The following TP63 variants were observed in gnomAD, a reference collection of about 807,000 sequenced individuals.
TP63 encodes the protein tumor protein 63.
A neutral mutation model predicts 82.8 loss-of-function variants in TP63; 17 were observed. The observed-to-expected ratio is 0.21, with a 90% CI of 0.14 to 0.31. The LOEUF is 0.31. Among genes scored for constraint, TP63 ranks in the 10% least tolerant of loss-of-function variants. TP63 has a pLI of 1.00. For synonymous variants in TP63, 330 were observed against 321.7 expected, an observed-to-expected ratio of 1.03 and a Z score of -0.28; for missense variants, 648 against 895.3, an observed-to-expected ratio of 0.72 and a Z score of 3.52.
At chr3:189,822,508 G>T (rs11717319) in intron 4 of TP63, among the ~76,000 whole-genome samples, 1 of 151,956 alleles carries the variant, frequency 6.6e-6, no homozygotes, top group Non-Finnish European at 1.5e-5. Context: ...TTCAATATAG[G>T]TATTTCTTCC....
intron 1 of TP63, among the ~76,000 whole-genome samples, chr3:189,650,257 C>G (rs1712776554): frequency 6.8e-6 from 1 of 147,102 alleles, no homozygotes; most frequent in African/African-American, 2.5e-5. Context: ...AGATCAATTT[C>G]TTGTTTAACA....
At chr3:189,727,206 G>A (rs1456985758) in intron 1 of TP63, among the ~76,000 whole-genome samples, 2 of 152,206 alleles carry the variant, frequency 1.3e-5, no homozygotes, top group East Asian at 3.8e-4. Flanking sequence ...TTACATGTAT[G>A]TCAGTATGTA....
At chr3:189,889,276 A>G (rs1720770504) in intron 11 of TP63, 64 bp from the exon 12 acceptor site, 1 of 1,612,680 alleles carries the variant, frequency 6.2e-7, no homozygotes, top group Admixed American at 1.7e-5. Flanking sequence ...GACAAGATGG[A>G]CCACTGGGAT....
chr3:189,720,506 G>A (rs1019217102), intron 1 of TP63, among the ~76,000 whole-genome samples: 9 of 151,956 alleles, frequency 5.9e-5, no homozygotes, highest in African/African-American at 1.4e-4. Flanking sequence ...AGGCTGAGGC[G>A]GGCAGATCAC....
chr3:189,682,549 AAAAAATATAT>A (rs1394083242), intron 1 of TP63, among the ~76,000 whole-genome samples: 66 of 30,248 alleles, frequency 2.2e-3, no homozygotes, highest in African/African-American at 6.3e-3. Flanking sequence ...AAAAAAAAAA[AAAAAATATAT>A]ATATATATAT....
At chr3:189,654,140 C>T (rs2108641114) in intron 1 of TP63, among the ~76,000 whole-genome samples, 1 of 152,092 alleles carries the variant, frequency 6.6e-6, no homozygotes, top group South Asian at 2.1e-4. Flanking sequence ...AAACATGTAT[C>T]TCATTTGCCA....
At chr3:189,802,198 C>T (rs1462424768) in intron 3 of TP63, among the ~76,000 whole-genome samples, 2 of 152,138 alleles carry the variant, frequency 1.3e-5, no homozygotes. Flanking sequence ...AAATGTAGTA[C>T]TCTCTGCTAA....
At chr3:189,844,985 T>C (rs771424894) in intron 4 of TP63, among the ~76,000 whole-genome samples, 2 of 152,206 alleles carry the variant, frequency 1.3e-5, no homozygotes, top group Non-Finnish European at 1.5e-5. Flanking sequence ...GCAGTTCTAA[T>C]TATTGATTTC....
chr3:189,802,010 C>G lies in TP63; in HGVS notation c.325-6262C>G, dbSNP rs550592801. ...GTGTTTTAACTTGACGTTTGAATAC[C>G]AATATATTTTCTTAACCTGGAGTAG... is the stretch of plus-strand genomic sequence containing the variant. On this transcript the variant is annotated intron_variant, in intron 3 of 13. Coordinates refer to ENST00000264731, the MANE Select transcript of TP63 (RefSeq NM_003722.5). Among the ~76,000 whole-genome samples the G allele has an allele frequency of 1.2e-3, 178 of 152,120 alleles. 1 individual carries two copies. Among genetic ancestry groups the G allele is most frequent in the African/African-American group, 4.0e-3 (164 of 41,508 alleles).
At chr3:189,811,249 T>C (rs182925091) in intron 4 of TP63, among the ~76,000 whole-genome samples, 42 of 152,328 alleles carry the variant, frequency 2.8e-4, no homozygotes, top group Middle Eastern at 6.8e-3. Flanking sequence ...GGTGAGATGA[T>C]AGTATTAATA....
intron 3 of TP63, among the ~76,000 whole-genome samples, chr3:189,746,504 CAAAGA>C (rs1399644139): frequency 6.6e-6 from 1 of 151,146 alleles, no homozygotes; most frequent in East Asian, 1.9e-4. Context: ...AACATAAAAA[CAAAGA>C]AAAGTCTCAA....
chr3:189,884,309 G>T (rs1720216857), intron 10 of TP63, among the ~76,000 whole-genome samples: 1 of 152,194 alleles, frequency 6.6e-6, no homozygotes, highest in African/African-American at 2.4e-5. Flanking sequence ...GTGCTTGGTA[G>T]TAGCTGGAGT....
chr3:189,868,203 T>C (rs1469170032), intron 7 of TP63, among the ~76,000 whole-genome samples: 2 of 152,206 alleles, frequency 1.3e-5, no homozygotes, highest in African/African-American at 4.8e-5. Context: ...TGACTGGAAT[T>C]GTTCTGATTA....
At chr3:189,860,814 T>C (rs1715196108) in intron 4 of TP63, among the ~76,000 whole-genome samples, 1 of 152,204 alleles carries the variant, frequency 6.6e-6, no homozygotes, top group African/African-American at 2.4e-5. Context: ...ATATCACTTT[T>C]GTTGTTGTAG....
chr3:189,777,626 T>G (rs1027541798), intron 3 of TP63, among the ~76,000 whole-genome samples: 3 of 151,970 alleles, frequency 2.0e-5, no homozygotes, highest in Non-Finnish European at 4.4e-5. Flanking sequence ...ATTCAACTCC[T>G]TATCTCTTCA....
the TP63 span, among the ~76,000 whole-genome samples, chr3:189,597,719 G>A: frequency 6.6e-6 from 1 of 152,252 alleles, no homozygotes; most frequent in African/African-American, 2.4e-5. Flanking sequence ...GAGTTCAGGA[G>A]TTCAAGACCA....
chr3:189,843,497 T>G (rs1425544703), intron 4 of TP63, among the ~76,000 whole-genome samples: 1 of 152,238 alleles, frequency 6.6e-6, no homozygotes, highest in East Asian at 1.9e-4. Flanking sequence ...TTTAAAAAAA[T>G]GATCAAGAGC....
At chr3:189,891,924 G>A (rs1721061272) in intron 13 of TP63, among the ~76,000 whole-genome samples, 1 of 152,066 alleles carries the variant, frequency 6.6e-6, no homozygotes. Flanking sequence ...GAGCACCGAT[G>A]CTAGAGATGC....
At chr3:189,783,684 T>A (rs948588631) in intron 3 of TP63, among the ~76,000 whole-genome samples, 4 of 151,804 alleles carry the variant, frequency 2.6e-5, no homozygotes, top group South Asian at 2.1e-4. Flanking sequence ...TATTAATAGA[T>A]CATTTAAAGG....
Sources: allele counts gnomAD v4.1 joint callset (sites outside exome capture counted in the v4.1 genomes callset), GRCh38; gene constraint gnomAD v4.1.1; transcripts MANE v1.5; gene names NCBI Gene and HGNC (gene_info 2026-07-23, HGNC 2026-07-21).